The following SPINK1 variants were observed in gnomAD, a reference collection of about 807,000 sequenced individuals.
SPINK1 encodes serine protease inhibitor Kazal-type 1.
A neutral mutation model predicts 9.5 loss-of-function variants in SPINK1; 5 were observed. That is an observed-to-expected ratio of 0.52 (90% CI 0.27 to 1.10). The LOEUF is 1.10. SPINK1 is among the 50% of genes least tolerant of loss of function. The probability of loss-of-function intolerance (pLI) is 0.11; values close to 1 mark genes in which losing one functional copy is unlikely to be tolerated. For synonymous variants in SPINK1, 37 were observed against 32.3 expected, an observed-to-expected ratio of 1.14 and a Z score of -0.49; for missense variants, 88 against 92.7, an observed-to-expected ratio of 0.95 and a Z score of 0.21.
At chr5:147,832,823 T>A (rs1580944659), upstream of SPINK1, among the ~76,000 whole-genome samples, 1 of 152,132 alleles carries the variant, frequency 6.6e-6, no homozygotes, top group Non-Finnish European at 1.5e-5. Context: ...TAGGATAAAA[T>A]CTCAAACCCT....
chr5:147,832,315 G>A (rs867925787), upstream of SPINK1, among the ~76,000 whole-genome samples: 7 of 152,164 alleles, frequency 4.6e-5, no homozygotes, highest in South Asian at 1.2e-3. Flanking sequence ...CTGGGTAAAA[G>A]AGAATATGTG....
At chr5:147,837,686 T>TTTCTTTCTTTC in the SPINK1 span, among the ~76,000 whole-genome samples, 21 of 147,884 alleles carry the variant, frequency 1.4e-4, no homozygotes, top group Non-Finnish European at 1.5e-4. Context: ...TCTTTCTTTC[T>TTTCTTTCTTTC]TTCTTTCTTT....
chr5:147,838,651 A>G, the SPINK1 span, among the ~76,000 whole-genome samples: 4 of 152,114 alleles, frequency 2.6e-5, no homozygotes, highest in African/African-American at 9.7e-5. Context: ...ATTATTTTTT[A>G]ACAATTCTTC....
chr5:147,835,146 G>A (rs920265629), upstream of SPINK1, among the ~76,000 whole-genome samples: 5 of 152,072 alleles, frequency 3.3e-5, no homozygotes, highest in Non-Finnish European at 7.4e-5. Flanking sequence ...GGAGAAAGGG[G>A]CCTGTCTCCA....
chr5:147,825,529 C>T (rs754051157), intron 3 of SPINK1, among the ~76,000 whole-genome samples: 2 of 151,722 alleles, frequency 1.3e-5, no homozygotes, highest in Non-Finnish European at 2.9e-5. Flanking sequence ...GCAGCCTCCA[C>T]CTCCCGGGTT....
upstream of SPINK1, chr5:147,831,823 T>G (rs141617420): frequency 7.5e-4 from 1,026 of 1,375,568 alleles, no homozygotes; most frequent in Admixed American, 1.2e-3. Context: ...AAGGCAAAGA[T>G]TCTGTCAGGA....
At chr5:147,831,457 A>G in intron 1 of SPINK1, 66 bp downstream of exon 1, 2 of 1,592,220 alleles carry the variant, frequency 1.3e-6, no homozygotes, top group Non-Finnish European at 8.6e-7. Flanking sequence ...TCTAGAAGAT[A>G]ATGTGCTTCA....
At chr5:147,827,982 T>G (rs199967992) in intron 3 of SPINK1, 40 bp downstream of exon 3, 12 of 1,480,438 alleles carry the variant, frequency 8.1e-6, no homozygotes, top group African/African-American at 1.4e-5. Flanking sequence ...ATAACTAACT[T>G]AAAATATATA....
chr5:147,832,721 G>T (rs1200774359), upstream of SPINK1, among the ~76,000 whole-genome samples: 1 of 152,128 alleles, frequency 6.6e-6, no homozygotes, highest in African/African-American at 2.4e-5. Context: ...CTGTTGCTAT[G>T]GAATAATTAA....
intron 3 of SPINK1, among the ~76,000 whole-genome samples, chr5:147,824,955 A>G (rs1756374114): frequency 6.6e-6 from 1 of 152,316 alleles, no homozygotes; most frequent in African/African-American, 2.4e-5. Context: ...TACAGTTTTT[A>G]CAGATCTCGT....
At chr5:147,825,673 A>G (rs544723819) in intron 3 of SPINK1, among the ~76,000 whole-genome samples, 3 of 152,014 alleles carry the variant, frequency 2.0e-5, no homozygotes, top group Non-Finnish European at 4.4e-5. Context: ...AACTCCTAAC[A>G]AAAGTGATCC....
chr5:147,828,863 A>G (rs548970245), intron 2 of SPINK1, among the ~76,000 whole-genome samples: 1 of 151,766 alleles, frequency 6.6e-6, no homozygotes, highest in African/African-American at 2.4e-5. Flanking sequence ...ATTCTACTAC[A>G]TCTCCCCACC....
At chr5:147,834,980 A>G (rs1409798052), upstream of SPINK1, among the ~76,000 whole-genome samples, 1 of 152,112 alleles carries the variant, frequency 6.6e-6, no homozygotes, top group Non-Finnish European at 1.5e-5. Context: ...TAGAAAAAAC[A>G]TTTCACTACA....
chr5:147,837,649 T>TCTTCTTTC, the SPINK1 span, among the ~76,000 whole-genome samples: 1 of 107,032 alleles, frequency 9.3e-6, no homozygotes, highest in African/African-American at 3.7e-5. Context: ...CATTAACTTC[T>TCTTCTTTC]TTTCTTTCTT....
rs761201715 is a variant in SPINK1 at position 147,828,016 on chromosome 5, A to G, written c.194+6T>C. On this transcript the variant is annotated splice_donor_region_variant and intron_variant, in intron 3 of 3. Coordinates refer to ENST00000296695, the MANE Select transcript of SPINK1 (RefSeq NM_001379610.1). ...TAGTTTAAAAGAAACTCAAGTTTGT[A>G]CTCACCGATTTTCAAAACATAACAC... is the stretch of plus-strand genomic sequence containing the variant. The G allele has an allele frequency of 3.1e-6, 5 of 1,604,104 alleles. No homozygotes were observed. In the South Asian group the frequency reaches 4.4e-5, roughly 14 times the overall value.
intron 2 of SPINK1, 79 bp from the exon 3 acceptor site, chr5:147,828,207 A>G: frequency 9.2e-7 from 1 of 1,087,272 alleles, no homozygotes; most frequent in Admixed American, 1.9e-5. Context: ...AAATGGTTTT[A>G]TTTCTCTGGG....
chr5:147,835,424 C>T (rs561470272), upstream of SPINK1, among the ~76,000 whole-genome samples: 32 of 152,144 alleles, frequency 2.1e-4, no homozygotes, highest in East Asian at 4.6e-3. Flanking sequence ...TTGTTTGCCC[C>T]GGGAGATGAG....
In SPINK1 at chr5:147,825,919, A is replaced by G. The variant is rs114469966; in HGVS notation, c.195-1213T>C. Among the ~76,000 whole-genome samples the G allele has an allele frequency of 2.1e-3, 325 of 152,318 alleles. 2 individuals are homozygous for G. The highest frequency in any genetic ancestry group is 7.2e-3 in the African/African-American group (301 of 41,560). ...TATCCACATATAGCTATGTAAATGT[A>G]AATTAGTTTAGATAATATTAAATAT... On this transcript the variant is annotated intron_variant, in intron 3 of 3. Transcript: ENST00000296695.
At chr5:147,830,914 A>G (rs1024567007) in intron 1 of SPINK1, among the ~76,000 whole-genome samples, 1 of 152,134 alleles carries the variant, frequency 6.6e-6, no homozygotes, top group Admixed American at 6.5e-5. Flanking sequence ...TTCTTTCAAA[A>G]CATTCAAAAT....
Sources: allele counts gnomAD v4.1 joint callset (sites outside exome capture counted in the v4.1 genomes callset), GRCh38; gene constraint gnomAD v4.1.1; transcripts MANE v1.5; gene names NCBI Gene and HGNC (gene_info 2026-07-23, HGNC 2026-07-21).